FSHR: variants seen among roughly 807,000 people sequenced by gnomAD.
FSHR encodes follicle-stimulating hormone receptor.
Under a neutral mutation model 52.1 loss-of-function variants are expected in FSHR, and 46 were observed. The observed-to-expected ratio is 0.88, with a 90% CI of 0.70 to 1.13. The LOEUF (loss-of-function observed/expected upper bound fraction) is 1.13, where lower values mean the gene tolerates loss of function less well. Among genes scored for constraint, FSHR ranks in the 50% most tolerant of loss-of-function variants. The pLI is 0.00. For synonymous variants in FSHR, 399 were observed against 309.6 expected, an observed-to-expected ratio of 1.29 and a Z score of -3.03; for missense variants, 964 against 834.6, an observed-to-expected ratio of 1.16 and a Z score of -1.91.
At position 49,124,400 on chromosome 2, in the gene FSHR, A is replaced by T. The variant is rs143733507; in HGVS notation, c.152+29866T>A. The stretch of plus-strand genomic sequence containing the variant: ...AAAACAAAAATATAATTAATATTAC[A>T]TTCATATCCAAATCACAATCTTTAG... On this transcript the variant is annotated intron_variant, in intron 1 of 9. Transcript: ENST00000406846. Among the ~76,000 whole-genome samples, 388 of 152,300 alleles carry T rather than the reference A, an allele frequency of 2.5e-3. 7 individuals are homozygous for T. In the East Asian group the frequency reaches 0.048, roughly 19 times the overall value.
At chr2:49,099,038 C>T (rs985702395) in intron 1 of FSHR, among the ~76,000 whole-genome samples, 1 of 151,816 alleles carries the variant, frequency 6.6e-6, no homozygotes, top group Non-Finnish European at 1.5e-5. Context: ...AAGAATCACA[C>T]ATCTCCAGTA....
In FSHR at chr2:48,963,843, AAATCCTCTG is replaced by A. The variant is rs1322843456; in HGVS notation, c.969_977del (p.Arg324_Phe326del). ...AGTCAAACTCAGTGTACGTCATGTC[AAATCCTCTG>A]CTGTAGCTGGACTCATTGTCTTCTG... On this transcript the variant is annotated inframe_deletion, in exon 10 of 10. Transcript: ENST00000406846. 2 of 1,614,024 alleles carry A rather than the reference AAATCCTCTG, an allele frequency of 1.2e-6. No individual in the cohort carries two copies. Among genetic ancestry groups the A allele is most frequent in the Non-Finnish European group, 1.7e-6 (2 of 1,180,028 alleles).
In FSHR at chr2:48,971,863, C is replaced by T. The variant is rs566440000; in HGVS notation, c.669-2980G>A. Among the ~76,000 whole-genome samples, 6 of 152,248 alleles carry T rather than the reference C, an allele frequency of 3.9e-5. No homozygotes were observed. The South Asian group carries it at 1.2e-3, about 32-fold the overall frequency. On this transcript the variant is annotated intron_variant, in intron 8 of 9. Coordinates refer to ENST00000406846, the MANE Select transcript of FSHR (RefSeq NM_000145.4). ...TTGTCTCCTAGCTCGCTGAAAGTTT[C>T]TTCTTATTTGCTGGTTCCTCCATGA...
At chr2:48,970,220 C>T (rs1674678070) in intron 8 of FSHR, among the ~76,000 whole-genome samples, 1 of 152,168 alleles carries the variant, frequency 6.6e-6, no homozygotes, top group South Asian at 2.1e-4. Context: ...TTCCTATTGT[C>T]CAGTGAAACC....
chr2:49,059,215 T>C (rs67028482), intron 2 of FSHR, among the ~76,000 whole-genome samples: 1 of 151,080 alleles, frequency 6.6e-6, no homozygotes, highest in African/African-American at 2.4e-5. Flanking sequence ...ATTAAAAAAA[T>C]AATAATAAAA....
intron 2 of FSHR, among the ~76,000 whole-genome samples, chr2:49,050,985 T>C (rs900172455): frequency 1.3e-5 from 2 of 152,182 alleles, no homozygotes; most frequent in African/African-American, 4.8e-5. Context: ...TAGAATCATA[T>C]GGTATACCTT....
rs188648572 is a variant in FSHR at position 49,146,245 on chromosome 2, A to G, written c.152+8021T>C. 3.6e-3 allele frequency among the ~76,000 whole-genome samples: 551 copies of G among 152,196 alleles called. 2 individuals carry two copies. The highest frequency in any genetic ancestry group is 0.012 in the African/African-American group (506 of 41,540). On this transcript the variant is annotated intron_variant, in intron 1 of 9. Transcript: ENST00000406846. ...TGCCATCTTCTAGGGATGTAATCCT[A>G]TCTTATGAACCAACATTTTGTAAGC...
At chr2:49,119,738 T>C (rs1572769378) in intron 1 of FSHR, among the ~76,000 whole-genome samples, 1 of 152,098 alleles carries the variant, frequency 6.6e-6, no homozygotes, top group Non-Finnish European at 1.5e-5. Context: ...ATAAAACAAG[T>C]GGACAGAAAT....
intron 1 of FSHR, among the ~76,000 whole-genome samples, chr2:49,072,056 A>G (rs1391046431): frequency 3.9e-5 from 6 of 152,166 alleles, no homozygotes; most frequent in African/African-American, 1.4e-4. Flanking sequence ...AAAGAACACT[A>G]AAAACATATT....
chr2:49,005,796 G>T (rs1033779975), intron 4 of FSHR, among the ~76,000 whole-genome samples: 1 of 152,128 alleles, frequency 6.6e-6, no homozygotes, highest in African/African-American at 2.4e-5. Flanking sequence ...CCCTGTGATG[G>T]TTAATATTGA....
At chr2:49,141,422 A>G (rs933336145) in intron 1 of FSHR, among the ~76,000 whole-genome samples, 2 of 152,082 alleles carry the variant, frequency 1.3e-5, no homozygotes, top group African/African-American at 2.4e-5. Context: ...TGAAGGAGGA[A>G]CAGGAATCCC....
At chr2:49,104,575 T>C (rs983919603) in intron 1 of FSHR, among the ~76,000 whole-genome samples, 1 of 152,172 alleles carries the variant, frequency 6.6e-6, no homozygotes, top group Non-Finnish European at 1.5e-5. Context: ...CAGAATCAGG[T>C]TGACTTGCGA....
At chr2:49,142,511 A>G (rs946618803) in intron 1 of FSHR, among the ~76,000 whole-genome samples, 1 of 152,174 alleles carries the variant, frequency 6.6e-6, no homozygotes, top group Non-Finnish European at 1.5e-5. Context: ...ACAAGGAAAG[A>G]TATTTTGTCT....
chr2:49,060,322 A>C (rs1215895086), intron 2 of FSHR, among the ~76,000 whole-genome samples: 4 of 152,146 alleles, frequency 2.6e-5, no homozygotes, highest in Non-Finnish European at 5.9e-5. Context: ...ATATGATCCC[A>C]TTAGGTATTA....
intron 1 of FSHR, among the ~76,000 whole-genome samples, chr2:49,083,726 C>T (rs1670263814): frequency 6.7e-6 from 1 of 149,454 alleles, no homozygotes; most frequent in Non-Finnish European, 1.5e-5. Flanking sequence ...TTCAAACCAA[C>T]AAAGATCAAA....
At chr2:48,990,849 T>G (rs916478839) in intron 4 of FSHR, among the ~76,000 whole-genome samples, 4 of 151,628 alleles carry the variant, frequency 2.6e-5, no homozygotes, top group African/African-American at 9.7e-5. Flanking sequence ...GAAAAGAAAC[T>G]TACACTTCAG....
At chr2:49,128,737 G>A (rs900689522) in intron 1 of FSHR, among the ~76,000 whole-genome samples, 1 of 151,916 alleles carries the variant, frequency 6.6e-6, no homozygotes. Flanking sequence ...GACAGAAACA[G>A]CTAGCTGCTT....
intron 4 of FSHR, among the ~76,000 whole-genome samples, chr2:49,011,485 C>G (rs1053312221): frequency 6.6e-6 from 1 of 151,908 alleles, no homozygotes; most frequent in Non-Finnish European, 1.5e-5. Flanking sequence ...TGGTGTGGTG[C>G]TGAAAAAAAT....
At chr2:49,095,215 T>C (rs1256257891) in intron 1 of FSHR, among the ~76,000 whole-genome samples, 1 of 152,166 alleles carries the variant, frequency 6.6e-6, no homozygotes, top group Admixed American at 6.6e-5. Context: ...TCATACTTCA[T>C]GATTTCAAAA....
Sources: allele counts gnomAD v4.1 joint callset (sites outside exome capture counted in the v4.1 genomes callset), GRCh38; gene constraint gnomAD v4.1.1; transcripts MANE v1.5; gene names NCBI Gene and HGNC (gene_info 2026-07-23, HGNC 2026-07-21).